The following LTBP1 variants were observed in gnomAD, a reference collection of about 807,000 sequenced individuals.
LTBP1 encodes latent transforming growth factor beta binding protein 1.
LTBP1 carries 129 observed loss-of-function variants against 207.6 expected under a neutral mutation model. The ratio of observed to expected loss-of-function variants is 0.62; its 90% CI spans 0.54 to 0.72. The LOEUF (loss-of-function observed/expected upper bound fraction) is 0.72, where lower values mean the gene tolerates loss of function less well. Ranked by LOEUF, LTBP1 falls within the 30% of genes least tolerant of loss-of-function variation. The pLI is 0.00. For synonymous variants in LTBP1, 963 were observed against 833.7 expected (o/e 1.16, Z -2.67); for missense variants, 2,281 against 2,217.2 (o/e 1.03, Z -0.58).
At chr2:33,339,991 A>G (rs1013264430) in intron 24 of LTBP1, among the ~76,000 whole-genome samples, 1 of 152,128 alleles carries the variant, frequency 6.6e-6, no homozygotes, top group Non-Finnish European at 1.5e-5. Flanking sequence ...AATGGAGTTT[A>G]GTAGGAAGAC....
chr2:32,969,902 T>C (rs1422207933), intron 2 of LTBP1, among the ~76,000 whole-genome samples: 1 of 152,184 alleles, frequency 6.6e-6, no homozygotes, highest in African/African-American at 2.4e-5. Context: ...TGTATAAACA[T>C]TCCCTTTTTT....
chr2:33,368,719 A>G (rs2095030826), intron 31 of LTBP1, among the ~76,000 whole-genome samples: 1 of 152,186 alleles, frequency 6.6e-6, no homozygotes, highest in Non-Finnish European at 1.5e-5. Flanking sequence ...TCTACAAAAC[A>G]TACAAAAATT....
chr2:33,135,080 C>A, intron 5 of LTBP1, 120 bp downstream of exon 5: 1 of 1,012,254 alleles, frequency 9.9e-7, no homozygotes, highest in Non-Finnish European at 1.4e-6. Context: ...TCTATGAGTA[C>A]GAGTATGTTT....
chr2:33,151,365 C>T (rs1458989359), intron 5 of LTBP1, among the ~76,000 whole-genome samples: 1 of 152,186 alleles, frequency 6.6e-6, no homozygotes, highest in Non-Finnish European at 1.5e-5. Context: ...TATATTCCCA[C>T]CAGCAGTGTG....
chr2:33,336,008 G>A (rs1382160649), intron 24 of LTBP1, among the ~76,000 whole-genome samples: 4 of 152,088 alleles, frequency 2.6e-5, no homozygotes, highest in East Asian at 3.9e-4. Context: ...GCAACCATGG[G>A]TGCCTGATGT....
At chr2:33,236,181 A>C (rs2092039646) in intron 9 of LTBP1, among the ~76,000 whole-genome samples, 1 of 152,234 alleles carries the variant, frequency 6.6e-6, no homozygotes, top group Non-Finnish European at 1.5e-5. Flanking sequence ...CAAAACACTT[A>C]GAAATGTTTA....
At chr2:33,138,710 C>A (rs116409927) in intron 5 of LTBP1, among the ~76,000 whole-genome samples, 5,728 of 152,122 alleles carry the variant, frequency 0.038, 154 homozygotes, top group Middle Eastern at 0.11. Context: ...CTTGGTATAA[C>A]TTATTTGTGG....
intron 25 of LTBP1, among the ~76,000 whole-genome samples, chr2:33,344,399 C>G (rs1459758860): frequency 6.6e-6 from 1 of 152,186 alleles, no homozygotes; most frequent in East Asian, 1.9e-4. Context: ...TTCATCTTAA[C>G]TTTACCACTT....
intron 2 of LTBP1, among the ~76,000 whole-genome samples, chr2:32,981,166 T>C (rs1682705651): frequency 6.6e-6 from 1 of 152,228 alleles, no homozygotes; most frequent in African/African-American, 2.4e-5. Flanking sequence ...GTAAACTTTC[T>C]ACCCCAGTCT....
Position 33,104,900 on chromosome 2 carries a change from T to G in LTBP1, c.864-5682T>G, listed in dbSNP as rs188192578. Reference sequence around the variant, plus strand: ...TCAGCACGCCTCATTGCACTTACTTTTCCCCTCGGCTTTGAACCAAAAATA... The same window carrying G: ...TCAGCACGCCTCATTGCACTTACTTGTCCCCTCGGCTTTGAACCAAAAATA... On this transcript the variant is annotated intron_variant, in intron 3 of 33. Coordinates refer to ENST00000404816, the MANE Select transcript of LTBP1 (RefSeq NM_206943.4). 1.0e-3 allele frequency among the ~76,000 whole-genome samples: 158 copies of G among 152,248 alleles called. No individual in the cohort carries two copies. The Middle Eastern group carries it at 0.024, about 23-fold the overall frequency.
chr2:33,095,134 G>A (rs548981816), intron 3 of LTBP1, among the ~76,000 whole-genome samples: 1 of 152,136 alleles, frequency 6.6e-6, no homozygotes, highest in South Asian at 2.1e-4. Flanking sequence ...TAGTGATCTT[G>A]AATAAAGGAA....
intron 32 of LTBP1, among the ~76,000 whole-genome samples, chr2:33,390,471 C>T: frequency 6.6e-6 from 1 of 151,900 alleles, no homozygotes; most frequent in East Asian, 1.9e-4. Flanking sequence ...AGGGGCCATC[C>T]TCACGTGTAG....
In LTBP1 at chr2:33,339,075, A is replaced by G. The variant is rs540182492; in HGVS notation, c.3731-3763A>G. On this transcript the variant is annotated intron_variant, in intron 24 of 33. Coordinates refer to ENST00000404816, the MANE Select transcript of LTBP1 (RefSeq NM_206943.4). ...GGGAGGCAAGACTGGAGATGGGAAG[A>G]TGACCCACCAAGAGTATGAGTATCA... Among the ~76,000 whole-genome samples the G allele has an allele frequency of 2.6e-5, 4 of 152,154 alleles. No homozygotes were observed. In the East Asian group the frequency reaches 7.8e-4, roughly 30 times the overall value.
chr2:33,218,585 T>C (rs891292005), intron 8 of LTBP1, among the ~76,000 whole-genome samples: 2 of 152,052 alleles, frequency 1.3e-5, no homozygotes, highest in Non-Finnish European at 2.9e-5. Flanking sequence ...TCAGTAGAGA[T>C]GGGGTTTCAC....
At chr2:33,355,761 A>T (rs1349645720) in intron 26 of LTBP1, among the ~76,000 whole-genome samples, 1 of 151,782 alleles carries the variant, frequency 6.6e-6, no homozygotes, top group Non-Finnish European at 1.5e-5. Context: ...CCTTCACTAG[A>T]TGTCAGCTCC....
In LTBP1 at chr2:33,185,541, C is replaced by T. The variant is rs1363746092; in HGVS notation, c.1202-1315C>T. ...GAGTGTGTAGAGTCAGTGAAGAAGA[C>T]TTCAAGACCAAACCTTAACACACAT... On this transcript the variant is annotated intron_variant, in intron 5 of 33. Coordinates refer to ENST00000404816, the MANE Select transcript of LTBP1 (RefSeq NM_206943.4). Among the ~76,000 whole-genome samples the T allele has an allele frequency of 2.0e-5, 3 of 151,860 alleles. No homozygotes were observed. The East Asian group carries it at 5.8e-4, about 29-fold the overall frequency.
intron 19 of LTBP1, among the ~76,000 whole-genome samples, chr2:33,280,744 T>C (rs541059433): frequency 6.6e-6 from 1 of 152,182 alleles, no homozygotes; most frequent in Non-Finnish European, 1.5e-5. Flanking sequence ...ATTCATTCAT[T>C]CCTTCTTTCC....
At chr2:33,050,667 G>A (rs2076688585) in intron 3 of LTBP1, among the ~76,000 whole-genome samples, 1 of 151,940 alleles carries the variant, frequency 6.6e-6, no homozygotes, top group Non-Finnish European at 1.5e-5. Context: ...CCTGGAAACA[G>A]AACATTTGGG....
intron 19 of LTBP1, 59 bp downstream of exon 19, chr2:33,280,217 T>TA (rs1398015671): frequency 1.3e-6 from 2 of 1,536,092 alleles, no homozygotes; most frequent in East Asian, 4.7e-5. Flanking sequence ...CATTTTCTGA[T>TA]AGAGTGGTGT....
Sources: allele counts gnomAD v4.1 joint callset (sites outside exome capture counted in the v4.1 genomes callset), GRCh38; gene constraint gnomAD v4.1.1; transcripts MANE v1.5; gene names NCBI Gene and HGNC (gene_info 2026-07-23, HGNC 2026-07-21).